Variants in PLCB1 observed in about 807,000 individuals in gnomAD.
PLCB1 encodes phospholipase C beta 1, also known as 1-phosphatidylinositol 4,5-bisphosphate phosphodiesterase beta-1.
Under a neutral mutation model 161.8 loss-of-function variants are expected in PLCB1, and 46 were observed. That is an observed-to-expected ratio of 0.28 (90% CI 0.22 to 0.36). The LOEUF (loss-of-function observed/expected upper bound fraction) is 0.36. Among genes scored for constraint, PLCB1 ranks in the 10% least tolerant of loss-of-function variants. The probability of loss-of-function intolerance (pLI) is 1.00; values close to 1 mark genes in which losing one functional copy is unlikely to be tolerated. For synonymous variants in PLCB1, 517 were observed against 503.7 expected (o/e 1.03, Z -0.35); for missense variants, 1,016 against 1,472.5 (o/e 0.69, Z 5.07).
chr20:8,475,851 G>A (rs912804628), intron 3 of PLCB1, among the ~76,000 whole-genome samples: 1 of 152,184 alleles, frequency 6.6e-6, no homozygotes, highest in South Asian at 2.1e-4. Flanking sequence ...ATGCTATTTT[G>A]TATTACTATT....
intron 2 of PLCB1, among the ~76,000 whole-genome samples, chr20:8,363,119 C>A (rs1432755851): frequency 6.6e-6 from 1 of 152,088 alleles, no homozygotes; most frequent in Non-Finnish European, 1.5e-5. Flanking sequence ...AATTCATTTT[C>A]ATTCCTTTTT....
At chr20:8,648,064 C>A in intron 6 of PLCB1, 111 bp downstream of exon 6, 1 of 708,882 alleles carries the variant, frequency 1.4e-6, no homozygotes, top group Non-Finnish European at 2.4e-6. Flanking sequence ...TGTGGAAATG[C>A]GTGGTAGCCC....
intron 2 of PLCB1, among the ~76,000 whole-genome samples, chr20:8,191,421 A>AT (rs956925509): frequency 1.4e-4 from 21 of 151,440 alleles, no homozygotes; most frequent in African/African-American, 4.8e-4. Context: ...AATCCACTTA[A>AT]TTTTTTTTTC....
At chr20:8,681,564 C>T (rs1416438340) in intron 9 of PLCB1, among the ~76,000 whole-genome samples, 2 of 152,136 alleles carry the variant, frequency 1.3e-5, no homozygotes, top group Non-Finnish European at 2.9e-5. Flanking sequence ...TATTTTATTG[C>T]TATGATATGC....
At chr20:8,556,093 G>A (rs1403300238) in intron 3 of PLCB1, among the ~76,000 whole-genome samples, 2 of 151,956 alleles carry the variant, frequency 1.3e-5, no homozygotes, top group African/African-American at 2.4e-5. Flanking sequence ...AAACATCTAA[G>A]TTAGTCTTAG....
At chr20:8,837,113 G>T (rs760244243) in intron 31 of PLCB1, among the ~76,000 whole-genome samples, 1 of 152,144 alleles carries the variant, frequency 6.6e-6, no homozygotes, top group Admixed American at 6.5e-5. Context: ...GCCAGCAGAA[G>T]AGCCCTCTCC....
At chr20:8,763,337 G>C (rs1483232725) in intron 25 of PLCB1, among the ~76,000 whole-genome samples, 2 of 152,034 alleles carry the variant, frequency 1.3e-5, no homozygotes, top group Non-Finnish European at 2.9e-5. Context: ...GAGTGGCTGG[G>C]ATTACAGGTG....
chr20:8,508,434 C>T (rs1983735391), intron 3 of PLCB1, among the ~76,000 whole-genome samples: 1 of 152,116 alleles, frequency 6.6e-6, no homozygotes, highest in Non-Finnish European at 1.5e-5. Context: ...ACGTGAGGAC[C>T]CTGGATTACA....
intron 3 of PLCB1, among the ~76,000 whole-genome samples, chr20:8,582,833 C>T (rs1351552396): frequency 6.6e-6 from 1 of 151,724 alleles, no homozygotes; most frequent in Non-Finnish European, 1.5e-5. Context: ...ACTAAAAATA[C>T]AAAAAATTAG....
At chr20:8,206,987 A>T (rs1476936523) in intron 2 of PLCB1, among the ~76,000 whole-genome samples, 2 of 143,786 alleles carry the variant, frequency 1.4e-5, no homozygotes, top group Admixed American at 6.8e-5. Flanking sequence ...CAAGGAGAAT[A>T]AAAATTGTGC....
intron 2 of PLCB1, among the ~76,000 whole-genome samples, chr20:8,229,794 G>A (rs775727559): frequency 1.7e-4 from 25 of 150,836 alleles, no homozygotes; most frequent in Non-Finnish European, 7.4e-5. Context: ...GCCAAGGCGG[G>A]GGTGGGTCGC....
chr20:8,376,780 T>C (rs1458722966), intron 3 of PLCB1, among the ~76,000 whole-genome samples: 1 of 151,850 alleles, frequency 6.6e-6, no homozygotes, highest in Non-Finnish European at 1.5e-5. Context: ...TACAAAAAAT[T>C]AGCTGGGCAT....
chr20:8,477,193 T>TGAATCG lies in PLCB1; in HGVS notation c.246+105746_246+105747insTCGGAA, dbSNP rs11281848. Among the ~76,000 whole-genome samples, 1,484 of 152,304 alleles carry TGAATCG rather than the reference T, an allele frequency of 9.7e-3. 26 individuals are homozygous for TGAATCG. The highest frequency in any genetic ancestry group is 0.033 in the African/African-American group (1,377 of 41,582). On this transcript the variant is annotated intron_variant, in intron 3 of 31. Transcript: ENST00000338037. ...GAATCGCAGGCCCCTCCAGATCTAC[T>TGAATCG]GAAGTACAGCTTGAAAAGATCCCCA...
intron 9 of PLCB1, among the ~76,000 whole-genome samples, chr20:8,681,086 G>GTATATGTATATATATATATA (rs1555782781): frequency 1.8e-4 from 13 of 73,854 alleles, no homozygotes; most frequent in South Asian, 4.2e-4. Context: ...ATGTGTGTGT[G>GTATATGTATATATATATATA]TATATATATA....
intron 2 of PLCB1, among the ~76,000 whole-genome samples, chr20:8,336,285 CAT>C (rs1208188692): frequency 1.3e-5 from 2 of 152,190 alleles, no homozygotes; most frequent in African/African-American, 4.8e-5. Context: ...TATATACGTA[CAT>C]GTTTTTAATT....
intron 3 of PLCB1, among the ~76,000 whole-genome samples, chr20:8,400,123 G>A (rs1390138333): frequency 6.6e-6 from 1 of 152,146 alleles, no homozygotes. Context: ...AACTGCTTGT[G>A]GTGGCATAGG....
intron 3 of PLCB1, among the ~76,000 whole-genome samples, chr20:8,412,375 G>T (rs987687577): frequency 2.0e-5 from 3 of 152,286 alleles, no homozygotes; most frequent in Non-Finnish European, 4.4e-5. Flanking sequence ...CCCCACTGTG[G>T]GGTTCCAGAG....
intron 31 of PLCB1, among the ~76,000 whole-genome samples, chr20:8,812,722 GAGCT>G (rs1984889298): frequency 6.6e-6 from 1 of 152,190 alleles, no homozygotes; most frequent in Non-Finnish European, 1.5e-5. Context: ...CCATTTGGGA[GAGCT>G]GAAAATGGGA....
chr20:8,543,190 A>G (rs6077376), intron 3 of PLCB1, among the ~76,000 whole-genome samples: 13,032 of 152,124 alleles, frequency 0.086, 774 homozygotes, highest in African/African-American at 0.17. Flanking sequence ...TTGAGAAGAA[A>G]TAGATAAAAA....
Sources: gnomAD v4.1 joint callset for allele counts (sites outside exome capture counted in the v4.1 genomes callset) on GRCh38, gnomAD v4.1.1 for gene constraint, MANE v1.5 for transcripts, NCBI Gene and HGNC (gene_info 2026-07-23, HGNC 2026-07-21) for gene names.